Variants in ANKS1B observed in about 807,000 individuals in gnomAD.
ANKS1B encodes ankyrin repeat and sterile alpha motif domain containing 1B.
In ANKS1B, 36 loss-of-function variants were observed where a neutral mutation model predicts 148.3. That is an observed-to-expected ratio of 0.24 (90% confidence interval 0.19 to 0.32). ANKS1B has a LOEUF of 0.32. Ranked by LOEUF, ANKS1B falls within the 10% of genes least tolerant of loss-of-function variation. The probability of loss-of-function intolerance (pLI) is 1.00; values close to 1 mark genes in which losing one functional copy is unlikely to be tolerated. For missense variants in ANKS1B, 1,157 were observed against 1,542.6 expected (o/e 0.75, Z 4.19); for synonymous variants, 542 against 560.8 (o/e 0.97, Z 0.47).
intron 24 of ANKS1B, among the ~76,000 whole-genome samples, chr12:98,777,504 C>T (rs772804270): frequency 2.6e-5 from 4 of 152,184 alleles, no homozygotes; most frequent in Non-Finnish European, 4.4e-5. Flanking sequence ...CCCTCCCCGA[C>T]TCCCCCAACC....
intron 8 of ANKS1B, among the ~76,000 whole-genome samples, chr12:99,753,006 G>A (rs1016730699): frequency 9.9e-5 from 15 of 152,044 alleles, no homozygotes; most frequent in African/African-American, 3.6e-4. Flanking sequence ...AACAATGACT[G>A]ATTCATTGTT....
At chr12:99,636,731 A>G (rs1435647882) in intron 9 of ANKS1B, among the ~76,000 whole-genome samples, 1 of 152,158 alleles carries the variant, frequency 6.6e-6, no homozygotes, top group Non-Finnish European at 1.5e-5. Flanking sequence ...AACATGTGCA[A>G]TTTTCCACTG....
intron 14 of ANKS1B, among the ~76,000 whole-genome samples, chr12:99,173,492 C>A (rs1405139294): frequency 6.6e-6 from 1 of 152,040 alleles, no homozygotes; most frequent in Non-Finnish European, 1.5e-5. Context: ...ACTTCACATG[C>A]AGGAAATTTA....
At chr12:99,287,598 T>C (rs937047320) in intron 12 of ANKS1B, among the ~76,000 whole-genome samples, 3 of 152,182 alleles carry the variant, frequency 2.0e-5, no homozygotes, top group Non-Finnish European at 2.9e-5. Context: ...GTAAGAGATA[T>C]GTGACCTTTC....
At position 99,258,927 on chromosome 12, in the gene ANKS1B, G is replaced by A. The variant is rs374229610; in HGVS notation, c.1757-12063C>T. ...ACCAAGATTCCATACTAGGTAAGGG[G>A]AACCACCAATAGATATTGTGTGCCT... is the stretch of plus-strand genomic sequence containing the variant. On this transcript the variant is annotated intron_variant, in intron 12 of 26. Coordinates refer to ENST00000683438, the MANE Select transcript of ANKS1B (RefSeq NM_001352186.2). Among the ~76,000 whole-genome samples the A allele has an allele frequency of 8.2e-4, 125 of 152,198 alleles. 4 individuals carry two copies. The South Asian group carries it at 0.021, about 25-fold the overall frequency.
intron 10 of ANKS1B, among the ~76,000 whole-genome samples, chr12:99,499,945 C>G (rs2096639548): frequency 6.6e-6 from 1 of 151,566 alleles, no homozygotes; most frequent in South Asian, 2.1e-4. Flanking sequence ...CAGACAGAAG[C>G]TGGAAGAGCC....
At chr12:99,884,259 G>A (rs1475815516) in intron 1 of ANKS1B, among the ~76,000 whole-genome samples, 1 of 152,106 alleles carries the variant, frequency 6.6e-6, no homozygotes, top group African/African-American at 2.4e-5. Flanking sequence ...ACAACTGCAG[G>A]TATTAGCAAG....
intron 16 of ANKS1B, among the ~76,000 whole-genome samples, chr12:99,058,231 CT>C (rs1032294121): frequency 3.0e-3 from 375 of 124,618 alleles, no homozygotes; most frequent in Middle Eastern, 8.1e-3. Flanking sequence ...CATGCCACAT[CT>C]TTTTTTTTTT....
chr12:98,992,380 AG>A lies in ANKS1B; in HGVS notation c.2778+60776del, dbSNP rs2099927140. Among the ~76,000 whole-genome samples, 3 of 152,198 alleles carry A rather than the reference AG, an allele frequency of 2.0e-5. No homozygotes were observed. In the South Asian group the frequency reaches 6.2e-4, roughly 32 times the overall value. ...AAATTTTAATCCCACATGTCCAGGG[AG>A]GGACCTGTAATCCCCATGTGTCAAG... On this transcript the variant is annotated intron_variant, in intron 17 of 26. Coordinates refer to ENST00000683438, the MANE Select transcript of ANKS1B (RefSeq NM_001352186.2).
chr12:99,777,037 G>A (rs1376981107), intron 6 of ANKS1B, among the ~76,000 whole-genome samples: 2 of 152,158 alleles, frequency 1.3e-5, no homozygotes, highest in East Asian at 1.9e-4. Context: ...GAAACACAAT[G>A]TGGGCTCAAA....
chr12:99,280,014 A>G (rs1284412761), intron 12 of ANKS1B, among the ~76,000 whole-genome samples: 5 of 152,152 alleles, frequency 3.3e-5, no homozygotes, highest in African/African-American at 1.2e-4. Flanking sequence ...CAAAAAAATA[A>G]AAATAAAATA....
intron 10 of ANKS1B, among the ~76,000 whole-genome samples, chr12:99,459,126 T>C (rs898622666): frequency 3.9e-5 from 6 of 152,092 alleles, no homozygotes; most frequent in Admixed American, 2.6e-4. Context: ...TCAATAAATG[T>C]GATACACCAC....
At chr12:99,166,767 T>C (rs1267299115) in intron 14 of ANKS1B, among the ~76,000 whole-genome samples, 2 of 152,076 alleles carry the variant, frequency 1.3e-5, no homozygotes, top group Non-Finnish European at 2.9e-5. Context: ...AAGATTTTTC[T>C]AAATTTCATA....
rs549867641 is a variant in ANKS1B, at chr12:99,156,702, C to T, written c.2420-2307G>A. Among the ~76,000 whole-genome samples, 29 of 152,264 alleles carry T rather than the reference C, an allele frequency of 1.9e-4. No individual in the cohort carries two copies. The South Asian group carries it at 3.3e-3, about 17-fold the overall frequency. On this transcript the variant is annotated intron_variant, in intron 14 of 26. Transcript: ENST00000683438. ...AAACCTCTTCTAATCTTCTCTACCA[C>T]GAATAAATCTCTTTCTTCTCTGTCT...
At chr12:99,364,387 C>A (rs1224619366) in intron 12 of ANKS1B, among the ~76,000 whole-genome samples, 1 of 152,166 alleles carries the variant, frequency 6.6e-6, no homozygotes, top group Non-Finnish European at 1.5e-5. Context: ...TTCATGTTCC[C>A]TATTGTCATA....
intron 15 of ANKS1B, among the ~76,000 whole-genome samples, chr12:99,085,712 A>C (rs1197001186): frequency 3.3e-5 from 5 of 152,218 alleles, no homozygotes; most frequent in Non-Finnish European, 7.3e-5. Flanking sequence ...TGTCATTTGC[A>C]GGGACATGGA....
chr12:99,583,896 T>C (rs1049806100), intron 9 of ANKS1B, among the ~76,000 whole-genome samples: 2 of 152,256 alleles, frequency 1.3e-5, no homozygotes, highest in African/African-American at 4.8e-5. Context: ...ACAGCAATAC[T>C]GGCACATGCC....
At chr12:99,638,570 C>T (rs1030539215) in intron 9 of ANKS1B, among the ~76,000 whole-genome samples, 18 of 151,980 alleles carry the variant, frequency 1.2e-4, no homozygotes, top group Non-Finnish European at 2.5e-4. Context: ...GCAAAGCATT[C>T]AAGAGGAAAG....
chr12:99,580,597 A>G (rs1413162697), intron 9 of ANKS1B, among the ~76,000 whole-genome samples: 1 of 152,188 alleles, frequency 6.6e-6, no homozygotes, highest in Non-Finnish European at 1.5e-5. Context: ...TGGGAAGGGT[A>G]GCGAAGCGGG....
Sources: gnomAD v4.1 joint callset for allele counts (sites outside exome capture counted in the v4.1 genomes callset) on GRCh38, gnomAD v4.1.1 for gene constraint, MANE v1.5 for transcripts, NCBI Gene and HGNC (gene_info 2026-07-23, HGNC 2026-07-21) for gene names.